The following ZFAND3 variants were observed in gnomAD, a reference collection of about 807,000 sequenced individuals.
ZFAND3 encodes zinc finger AN1-type containing 3.
A neutral mutation model predicts 29.6 loss-of-function variants in ZFAND3; 10 were observed. That is an observed-to-expected ratio of 0.34 (90% confidence interval 0.21 to 0.57). The LOEUF is 0.57. Ranked by LOEUF, ZFAND3 falls within the 20% of genes least tolerant of loss-of-function variation. The pLI is 0.86. For synonymous variants in ZFAND3, 128 were observed against 112.6 expected (o/e 1.14, Z -0.87); for missense variants, 230 against 304.5 (o/e 0.76, Z 1.82).
chr6:38,144,192 T>TATATATATATATATATATAATATATA (rs1273452365), intron 5 of ZFAND3, among the ~76,000 whole-genome samples: 1 of 40,816 alleles, frequency 2.5e-5, no homozygotes, highest in Non-Finnish European at 5.2e-5. Context: ...ATAATATATA[T>TATATATATATATATATATAATATATA]ATATATATAT....
chr6:38,004,861 G>A (rs1175301459), intron 2 of ZFAND3, among the ~76,000 whole-genome samples: 1 of 152,160 alleles, frequency 6.6e-6, no homozygotes, highest in Non-Finnish European at 1.5e-5. Flanking sequence ...GCAAAGGTAT[G>A]TCAGACTGAG....
chr6:37,929,232 AC>A (rs1350771525), intron 1 of ZFAND3, among the ~76,000 whole-genome samples: 2 of 152,210 alleles, frequency 1.3e-5, no homozygotes, highest in Non-Finnish European at 2.9e-5. Context: ...TTTCCTTGTT[AC>A]AGAAATGCTA....
At chr6:38,139,492 A>G (rs992932881) in intron 5 of ZFAND3, among the ~76,000 whole-genome samples, 6 of 152,200 alleles carry the variant, frequency 3.9e-5, no homozygotes, top group Admixed American at 2.6e-4. Flanking sequence ...CTGAGGGTCC[A>G]GGAAGATCTT....
At chr6:38,120,836 C>T (rs1765519482) in intron 5 of ZFAND3, among the ~76,000 whole-genome samples, 1 of 152,164 alleles carries the variant, frequency 6.6e-6, no homozygotes, top group South Asian at 2.1e-4. Context: ...GTTTTCTCTT[C>T]ACTTTAGAAA....
chr6:37,931,970 T>A (rs1761604677), intron 2 of ZFAND3, among the ~76,000 whole-genome samples: 1 of 152,230 alleles, frequency 6.6e-6, no homozygotes, highest in East Asian at 1.9e-4. Context: ...ATTTGTGCCA[T>A]GTTAAAGGAC....
In ZFAND3 at chr6:37,985,833, A is replaced by G. The variant is rs149179669; in HGVS notation, c.112+55834A>G. ...GAGGTAGATGAGACAGGAGAGGCAG[A>G]TGTTTGTCAAATTGTGAAGCTATGT... On this transcript the variant is annotated intron_variant, in intron 2 of 5. Transcript: ENST00000287218. Among the ~76,000 whole-genome samples, 40 of 152,364 alleles carry G rather than the reference A, an allele frequency of 2.6e-4. No homozygotes were observed. In the East Asian group the frequency reaches 7.5e-3, roughly 29 times the overall value.
chr6:37,860,037 AATT>A (rs1764454249), intron 1 of ZFAND3, among the ~76,000 whole-genome samples: 1 of 133,438 alleles, frequency 7.5e-6, no homozygotes. Context: ...ACGCCCAGCT[AATT>A]TTTTTTTTTT....
intron 3 of ZFAND3, among the ~76,000 whole-genome samples, chr6:38,073,343 A>C (rs1764493117): frequency 1.3e-5 from 2 of 152,188 alleles, no homozygotes; most frequent in African/African-American, 4.8e-5. Flanking sequence ...TTTGAAAAAA[A>C]AAAAAAAAAG....
intron 1 of ZFAND3, among the ~76,000 whole-genome samples, chr6:37,900,380 C>T (rs915349038): frequency 2.6e-5 from 4 of 152,174 alleles, no homozygotes; most frequent in Non-Finnish European, 5.9e-5. Flanking sequence ...TTGCAGAAGA[C>T]ATCTCTTTTT....
At chr6:38,003,636 C>A in intron 2 of ZFAND3, 1 of 304,312 alleles carries the variant, frequency 3.3e-6, no homozygotes, top group Middle Eastern at 1.2e-3. Context: ...GTAGCTGGGA[C>A]TACAGTCATG....
chr6:38,122,938 T>C (rs943254231), intron 5 of ZFAND3, among the ~76,000 whole-genome samples: 15 of 152,238 alleles, frequency 9.9e-5, no homozygotes, highest in African/African-American at 3.6e-4. Flanking sequence ...AGATGAACTC[T>C]GTTCAGCTGG....
chr6:37,997,936 T>G (rs776167176), intron 2 of ZFAND3, among the ~76,000 whole-genome samples: 1 of 152,116 alleles, frequency 6.6e-6, no homozygotes, highest in South Asian at 2.1e-4. Context: ...ATTGGAAGAT[T>G]GTTCAGGAAG....
chr6:37,916,087 T>TAA (rs34769590), intron 1 of ZFAND3, among the ~76,000 whole-genome samples: 2 of 142,460 alleles, frequency 1.4e-5, no homozygotes, highest in Admixed American at 7.1e-5. Flanking sequence ...TTTTTTAACT[T>TAA]AAAAAAAAAA....
At chr6:37,827,706 A>G (rs1375988984) in intron 1 of ZFAND3, among the ~76,000 whole-genome samples, 1 of 152,240 alleles carries the variant, frequency 6.6e-6, no homozygotes, top group African/African-American at 2.4e-5. Context: ...AGTGCCAGGC[A>G]CCTGAAGTTT....
intron 5 of ZFAND3, among the ~76,000 whole-genome samples, chr6:38,137,106 G>C (rs1005145661): frequency 2.0e-5 from 3 of 152,214 alleles, no homozygotes; most frequent in Admixed American, 2.0e-4. Flanking sequence ...TTGTAATTAT[G>C]AGCAACAGCA....
intron 1 of ZFAND3, among the ~76,000 whole-genome samples, chr6:37,857,657 G>A (rs377371454): frequency 1.2e-4 from 18 of 152,258 alleles, no homozygotes; most frequent in African/African-American, 4.1e-4. Context: ...CTGAGGAGGC[G>A]ACTTGTCGAG....
intron 2 of ZFAND3, among the ~76,000 whole-genome samples, chr6:37,967,555 T>C (rs1762314530): frequency 6.6e-6 from 1 of 152,230 alleles, no homozygotes; most frequent in Non-Finnish European, 1.5e-5. Context: ...TCTCAGTGGA[T>C]ACTTTTACAT....
intron 5 of ZFAND3, among the ~76,000 whole-genome samples, chr6:38,124,346 C>G (rs779403022): frequency 1.3e-5 from 2 of 152,240 alleles, no homozygotes; most frequent in Non-Finnish European, 2.9e-5. Flanking sequence ...AGCCCTTGGG[C>G]AGTTGATGGG....
At position 38,120,320 on chromosome 6, in the gene ZFAND3, C is replaced by CTTTTTTTTTTTTTTTTTTTTTTTT. The variant is rs70981523; in HGVS notation, c.529+3588_529+3611dup. 3.5e-4 allele frequency among the ~76,000 whole-genome samples: 21 copies of CTTTTTTTTTTTTTTTTTTTTTTTT among 60,732 alleles called. 2 individuals carry two copies. The highest frequency in any genetic ancestry group is 5.0e-4 in the East Asian group (1 of 2,008). The allele number at this position is 60,732 out of a possible 152,430, so 39.8% of individuals were successfully genotyped here. A position where few individuals can be genotyped will look rare whatever the true frequency, so the allele number is the denominator to read the frequency against. ...TGATTGATACACGTAGCTTGGCTTC[C>CTTTTTTTTTTTTTTTTTTTTTTTT]TTTTTTTTTTTTTTTTTTTTTTTTT... On this transcript the variant is annotated intron_variant, in intron 5 of 5. Coordinates refer to ENST00000287218, the MANE Select transcript of ZFAND3 (RefSeq NM_021943.3).
Sources: gnomAD v4.1 joint callset for allele counts (sites outside exome capture counted in the v4.1 genomes callset) on GRCh38, gnomAD v4.1.1 for gene constraint, MANE v1.5 for transcripts, NCBI Gene and HGNC (gene_info 2026-07-23, HGNC 2026-07-21) for gene names.